Variants in FAM184B observed in about 807,000 individuals in gnomAD.
FAM184B encodes protein FAM184B.
FAM184B carries 111 observed loss-of-function variants against 135.9 expected under a neutral mutation model. The observed-to-expected ratio is 0.82, with a 90% CI of 0.70 to 0.96. The LOEUF (loss-of-function observed/expected upper bound fraction) is 0.96. FAM184B is among the 40% of genes least tolerant of loss of function. The pLI, the probability that FAM184B is intolerant of heterozygous loss-of-function variation, is 0.00. For synonymous variants in FAM184B, 552 were observed against 524.8 expected (o/e 1.05, Z -0.71); for missense variants, 1,375 against 1,323.9 (o/e 1.04, Z -0.60).
intron 2 of FAM184B, among the ~76,000 whole-genome samples, chr4:17,708,601 C>T (rs1448892683): frequency 6.9e-6 from 1 of 144,388 alleles, no homozygotes; most frequent in Non-Finnish European, 1.5e-5. Flanking sequence ...GCTGAGATCG[C>T]ACCACTGCAC....
intron 1 of FAM184B, among the ~76,000 whole-genome samples, chr4:17,711,463 G>A (rs2108967638): frequency 1.3e-5 from 2 of 151,922 alleles, no homozygotes; most frequent in African/African-American, 4.8e-5. Context: ...GGCCAATACA[G>A]CAAGACTCAG....
chr4:17,751,714 G>A (rs1553842752), intron 1 of FAM184B, among the ~76,000 whole-genome samples: 3 of 151,762 alleles, frequency 2.0e-5, no homozygotes, highest in Non-Finnish European at 4.4e-5. Context: ...CAGTCATAAG[G>A]ACCAACTTCT....
intron 1 of FAM184B, among the ~76,000 whole-genome samples, chr4:17,742,168 A>ATATTTTTT (rs1459958150): frequency 3.7e-5 from 4 of 109,308 alleles, no homozygotes; most frequent in African/African-American, 1.9e-4. Context: ...ATATATATAT[A>ATATTTTTT]TTTTTTTTTT....
At position 17,707,693 on chromosome 4, in the gene FAM184B, T is replaced by C. The variant is rs1402036445; in HGVS notation, c.986A>G (p.Lys329Arg). ...KKLGEKLAVA[K>R]DRMMLQECRG... ...ACACTCCTGCAGCATCATTCTGTCT[T>C]TGGCAACAGCCAGCTTCTCCCCAAG... The change falls in exon 3 of 18, where the codon AAA (lysine) becomes AGA (arginine). Residue 329 changes from lysine to arginine, a missense_variant. Lys to Arg is a conservative substitution (Grantham distance 26, BLOSUM62 2). Transcript: ENST00000265018. The C allele has an allele frequency of 6.4e-7, 1 of 1,551,838 alleles. No homozygotes were observed. The highest frequency in any genetic ancestry group is 2.0e-5 in the Admixed American group (1 of 51,006).
intron 7 of FAM184B, among the ~76,000 whole-genome samples, chr4:17,665,676 TC>T (rs1716030708): frequency 6.6e-6 from 1 of 152,118 alleles, no homozygotes. Context: ...GGCCTTGGGC[TC>T]CCATCCACCC....
intron 5 of FAM184B, among the ~76,000 whole-genome samples, chr4:17,702,786 A>G (rs1319411849): frequency 1.3e-5 from 2 of 152,230 alleles, no homozygotes; most frequent in African/African-American, 4.8e-5. Flanking sequence ...GGTGTGGCTG[A>G]CAGGTTACCA....
At chr4:17,746,081 C>T (rs1286867289) in intron 1 of FAM184B, among the ~76,000 whole-genome samples, 2 of 152,176 alleles carry the variant, frequency 1.3e-5, no homozygotes, top group East Asian at 3.9e-4. Flanking sequence ...GCCTCAGCCT[C>T]CCGAGTAGCT....
At chr4:17,714,583 T>A (rs946848661) in intron 1 of FAM184B, among the ~76,000 whole-genome samples, 2 of 152,166 alleles carry the variant, frequency 1.3e-5, no homozygotes, top group Non-Finnish European at 2.9e-5. Context: ...TATTAGTACC[T>A]GTTTGGGGTC....
intron 1 of FAM184B, among the ~76,000 whole-genome samples, chr4:17,722,830 CAT>C (rs1394558869): frequency 6.6e-6 from 1 of 152,156 alleles, no homozygotes; most frequent in East Asian, 1.9e-4. Context: ...GGTTAATAAA[CAT>C]GTGTATGCGT....
At chr4:17,641,643 C>CT (rs34886078) in intron 13 of FAM184B, among the ~76,000 whole-genome samples, 757 of 24,300 alleles carry the variant, frequency 0.031, 125 homozygotes, top group African/African-American at 0.076. Context: ...CACGCCCGGC[C>CT]TTTTTTTTTT....
chr4:17,636,196 C>G (rs1399726485), intron 15 of FAM184B, among the ~76,000 whole-genome samples: 2 of 152,136 alleles, frequency 1.3e-5, no homozygotes, highest in African/African-American at 4.8e-5. Context: ...ACCTCTGTCT[C>G]TCGGGTTCAA....
chr4:17,754,168 A>G (rs1718368075), intron 1 of FAM184B, among the ~76,000 whole-genome samples: 1 of 152,212 alleles, frequency 6.6e-6, no homozygotes, highest in African/African-American at 2.4e-5. Flanking sequence ...ATGTTAAGGA[A>G]GTATATATTC....
chr4:17,662,461 C>G (rs1432018290), intron 8 of FAM184B, among the ~76,000 whole-genome samples: 1 of 152,104 alleles, frequency 6.6e-6, no homozygotes, highest in Non-Finnish European at 1.5e-5. Flanking sequence ...CCTCAGCCTC[C>G]TGAGTGGCTG....
At chr4:17,665,825 T>A (rs1716034803) in intron 7 of FAM184B, among the ~76,000 whole-genome samples, 1 of 152,176 alleles carries the variant, frequency 6.6e-6, no homozygotes, top group Non-Finnish European at 1.5e-5. Flanking sequence ...TAACGGGGAC[T>A]CCCAGCAGAA....
At chr4:17,693,978 A>C (rs748439092) in intron 5 of FAM184B, among the ~76,000 whole-genome samples, 8 of 152,146 alleles carry the variant, frequency 5.3e-5, no homozygotes, top group Non-Finnish European at 8.8e-5. Context: ...ATAAAATAAA[A>C]TAAATGATGG....
chr4:17,637,566 G>T (rs1715181227), intron 14 of FAM184B, among the ~76,000 whole-genome samples: 1 of 152,236 alleles, frequency 6.6e-6, no homozygotes, highest in African/African-American at 2.4e-5. Flanking sequence ...GTGGTTGTGA[G>T]AATTCAATGT....
At chr4:17,766,203 ATTTTACAGAGAGCTGATTGGTCTG>A (rs1198753156) in intron 1 of FAM184B, among the ~76,000 whole-genome samples, 9 of 152,144 alleles carry the variant, frequency 5.9e-5, no homozygotes, top group African/African-American at 2.2e-4. Flanking sequence ...TGATTGGTCC[ATTTTACAGAGAGCTGATTGGTCTG>A]TTTCACAGAG....
intron 1 of FAM184B, among the ~76,000 whole-genome samples, chr4:17,732,586 G>T (rs145781350): frequency 6.6e-6 from 1 of 152,138 alleles, no homozygotes; most frequent in African/African-American, 2.4e-5. Flanking sequence ...AGAAAATCTG[G>T]AAGAAATGGA....
intron 1 of FAM184B, among the ~76,000 whole-genome samples, chr4:17,776,796 A>G (rs1718936637): frequency 6.6e-6 from 1 of 152,128 alleles, no homozygotes; most frequent in Non-Finnish European, 1.5e-5. Context: ...AGAGGAAGAC[A>G]TTTCAGGTGA....
Sources: allele counts gnomAD v4.1 joint callset (sites outside exome capture counted in the v4.1 genomes callset), GRCh38; gene constraint gnomAD v4.1.1; transcripts MANE v1.5; gene names NCBI Gene and HGNC (gene_info 2026-07-23, HGNC 2026-07-21).